Variants in LMNTD1 observed in about 807,000 individuals in gnomAD.
LMNTD1 encodes lamin tail domain-containing protein 1.
In LMNTD1, 35 loss-of-function variants were observed where a neutral mutation model predicts 50.9. The observed-to-expected ratio is 0.69, with a 90% CI of 0.53 to 0.91. The LOEUF is 0.91. Among genes scored for constraint, LMNTD1 ranks in the 40% least tolerant of loss-of-function variants. The pLI, the probability that LMNTD1 is intolerant of heterozygous loss-of-function variation, is 0.00. For missense variants in LMNTD1, 470 were observed against 475.5 expected (o/e 0.99, Z 0.11); for synonymous variants, 153 against 161.9 (o/e 0.94, Z 0.42).
At chr12:25,590,394 G>A (rs184878907) in intron 1 of LMNTD1, among the ~76,000 whole-genome samples, 4 of 152,294 alleles carry the variant, frequency 2.6e-5, no homozygotes, top group Admixed American at 6.5e-5. Flanking sequence ...TCAGCAGTCC[G>A]AACTTGAGTT....
Position 25,526,206 on chromosome 12 carries a change from C to T in LMNTD1, c.691G>A (p.Ala231Thr). ...ANSTVTVWAA[A>T]SEAKHQPPSD... is the part of the protein sequence containing the mutation. ...GGAGGTTGATGCTTTGCTTCAGATG[C>T]TGCTGCCCACACCTGTAATAAAATT... Residue 231 changes from alanine (A) to threonine (T), a missense_variant, in exon 6 of 10, where the codon GCA becomes ACA. Physicochemically the swap from Ala to Thr is moderately conservative, Grantham distance 58. Transcript: ENST00000458174. 6.2e-7 allele frequency: 1 copy of T among 1,608,126 alleles called. No individual in the cohort carries two copies. The highest frequency in any genetic ancestry group is 8.5e-7 in the Non-Finnish European group (1 of 1,177,596).
intron 9 of LMNTD1, among the ~76,000 whole-genome samples, chr12:25,496,391 T>G (rs1250116009): frequency 6.6e-6 from 1 of 152,230 alleles, no homozygotes; most frequent in Non-Finnish European, 1.5e-5. Context: ...ACATTATGAC[T>G]GCACAGTTTC....
At chr12:25,642,497 C>T (rs762707975) in intron 1 of LMNTD1, among the ~76,000 whole-genome samples, 3 of 152,162 alleles carry the variant, frequency 2.0e-5, no homozygotes, top group Non-Finnish European at 4.4e-5. Context: ...GCTTCCAGAA[C>T]TGTAAGAAAG....
chr12:25,554,266 A>T (rs537288028), upstream of LMNTD1, among the ~76,000 whole-genome samples: 1 of 152,222 alleles, frequency 6.6e-6, no homozygotes, highest in Non-Finnish European at 1.5e-5. Context: ...ACCAGTCTGG[A>T]TGGCTTTCTA....
chr12:25,545,827 T>C (rs1248731185), intron 4 of LMNTD1, among the ~76,000 whole-genome samples: 1 of 151,684 alleles, frequency 6.6e-6, no homozygotes, highest in African/African-American at 2.4e-5. Context: ...TCTATCAACA[T>C]GTCTTATTAC....
intron 1 of LMNTD1, among the ~76,000 whole-genome samples, chr12:25,592,321 A>G (rs1185847817): frequency 1.3e-5 from 2 of 152,202 alleles, no homozygotes; most frequent in African/African-American, 4.8e-5. Context: ...TAGGAAAGCC[A>G]AGAGAACCCA....
intron 1 of LMNTD1, among the ~76,000 whole-genome samples, chr12:25,639,712 A>G (rs1946912822): frequency 6.6e-6 from 1 of 152,200 alleles, no homozygotes; most frequent in Non-Finnish European, 1.5e-5. Context: ...GGGAATGTAA[A>G]ATGGTGTCGC....
intron 1 of LMNTD1, among the ~76,000 whole-genome samples, chr12:25,583,114 C>T (rs1945373139): frequency 6.6e-6 from 1 of 151,758 alleles, no homozygotes; most frequent in Admixed American, 6.6e-5. Flanking sequence ...CTCTACCTCC[C>T]GGGTTCACAC....
intron 1 of LMNTD1, among the ~76,000 whole-genome samples, chr12:25,566,789 C>A (rs970576485): frequency 2.0e-5 from 3 of 152,124 alleles, no homozygotes; most frequent in Admixed American, 6.5e-5. Context: ...TAGCAACGGG[C>A]GTCAATGAAG....
intron 8 of LMNTD1, among the ~76,000 whole-genome samples, chr12:25,504,511 G>A (rs957621034): frequency 6.6e-6 from 1 of 151,576 alleles, no homozygotes; most frequent in African/African-American, 2.4e-5. Context: ...TTTTATTCCT[G>A]TAAAACAAAA....
At chr12:25,529,185 T>C (rs1386495153) in intron 4 of LMNTD1, among the ~76,000 whole-genome samples, 1 of 152,180 alleles carries the variant, frequency 6.6e-6, no homozygotes, top group East Asian at 1.9e-4. Flanking sequence ...AGCCCCTTTT[T>C]CTTATTTCAC....
chr12:25,577,977 C>T (rs1455189012), intron 1 of LMNTD1, among the ~76,000 whole-genome samples: 1 of 152,136 alleles, frequency 6.6e-6, no homozygotes, highest in Non-Finnish European at 1.5e-5. Flanking sequence ...CTGAATCCTC[C>T]TACCTACTAG....
At chr12:25,556,427 T>C (rs117086675), upstream of LMNTD1, among the ~76,000 whole-genome samples, 2,356 of 152,340 alleles carry the variant, frequency 0.015, 32 homozygotes, top group African/African-American at 0.038. Context: ...CATCCATCTA[T>C]TAGAGAGACC....
At chr12:25,563,214 A>G (rs1444906913) in intron 1 of LMNTD1, among the ~76,000 whole-genome samples, 3 of 152,186 alleles carry the variant, frequency 2.0e-5, no homozygotes, top group Non-Finnish European at 4.4e-5. Flanking sequence ...GGAGGAGAAG[A>G]GGCGCTCTGA....
chr12:25,519,769 A>G, intron 7 of LMNTD1, 89 bp downstream of exon 7: 1 of 808,534 alleles, frequency 1.2e-6, no homozygotes, highest in Non-Finnish European at 2.1e-6. Flanking sequence ...TATACATCAC[A>G]CATCCATTTG....
chr12:25,512,621 A>G (rs1404111611), intron 8 of LMNTD1, among the ~76,000 whole-genome samples: 4 of 152,126 alleles, frequency 2.6e-5, no homozygotes, highest in African/African-American at 9.7e-5. Context: ...TAAGGAGGTG[A>G]AAATGTTTCC....
At chr12:25,629,736 T>C (rs1946672053) in intron 1 of LMNTD1, among the ~76,000 whole-genome samples, 1 of 152,182 alleles carries the variant, frequency 6.6e-6, no homozygotes, top group Non-Finnish European at 1.5e-5. Flanking sequence ...TTAAGTTTAT[T>C]GCTATCATGG....
At chr12:25,597,264 T>C (rs1418842021) in intron 1 of LMNTD1, among the ~76,000 whole-genome samples, 1 of 151,874 alleles carries the variant, frequency 6.6e-6, no homozygotes, top group Non-Finnish European at 1.5e-5. Flanking sequence ...TGAAACACAC[T>C]TCATGTATAA....
At chr12:25,544,532 T>C (rs180991188) in intron 4 of LMNTD1, among the ~76,000 whole-genome samples, 14 of 151,866 alleles carry the variant, frequency 9.2e-5, no homozygotes, top group Admixed American at 9.2e-4. Context: ...TGCCTTTAAA[T>C]TGAGTATTGA....
Sources: allele counts gnomAD v4.1 joint callset (sites outside exome capture counted in the v4.1 genomes callset), GRCh38; gene constraint gnomAD v4.1.1; transcripts MANE v1.5; gene names NCBI Gene and HGNC (gene_info 2026-07-23, HGNC 2026-07-21).